The following NTN4 variants were observed in gnomAD, a reference collection of about 807,000 sequenced individuals.
The protein encoded by NTN4 is netrin-4.
In NTN4, 32 loss-of-function variants were observed where a neutral mutation model predicts 73.6. The observed-to-expected ratio is 0.44, with a 90% confidence interval of 0.33 to 0.58. The LOEUF (loss-of-function observed/expected upper bound fraction) is 0.58. NTN4 is among the 20% of genes least tolerant of loss of function. NTN4 has a pLI of 0.04. For missense variants in NTN4, 654 were observed against 798.3 expected, an observed-to-expected ratio of 0.82 and a Z score of 2.18; for synonymous variants, 258 against 287.5, an observed-to-expected ratio of 0.90 and a Z score of 1.04.
intron 5 of NTN4, among the ~76,000 whole-genome samples, chr12:95,709,898 T>C (rs2078551443): frequency 6.6e-6 from 1 of 152,230 alleles, no homozygotes; most frequent in African/African-American, 2.4e-5. Context: ...AAGAGTTTAG[T>C]ATTTTGGGGG....
chr12:95,759,254 AT>A lies in NTN4; in HGVS notation c.586-21111del, dbSNP rs994384657. Among the ~76,000 whole-genome samples, 93 of 150,098 alleles carry A rather than the reference AT, an allele frequency of 6.2e-4. 1 individual carries two copies. The highest frequency in any genetic ancestry group is 1.1e-3 in the Non-Finnish European group (76 of 67,416). ...TTTATAACTTTCATCAAGTTTGGAA[AT>A]TTTTTTTTTCCTGTTACTCCTACAA... On this transcript the variant is annotated intron_variant, in intron 2 of 9. Transcript: ENST00000343702.
chr12:95,758,228 C>T (rs2078960856), intron 2 of NTN4, among the ~76,000 whole-genome samples: 1 of 152,180 alleles, frequency 6.6e-6, no homozygotes. Flanking sequence ...TGCTATACCT[C>T]CTCTCCAATA....
intron 7 of NTN4, among the ~76,000 whole-genome samples, chr12:95,679,208 G>T (rs971528906): frequency 6.6e-6 from 1 of 152,086 alleles, no homozygotes; most frequent in Non-Finnish European, 1.5e-5. Context: ...GCAAAGAACC[G>T]ATAGCTAAGA....
intron 2 of NTN4, among the ~76,000 whole-genome samples, chr12:95,770,986 G>GA (rs2079053277): frequency 1.4e-5 from 1 of 72,282 alleles, no homozygotes; most frequent in African/African-American, 5.9e-5. Flanking sequence ...TCCAGGAAAA[G>GA]AATTTGTTTT....
rs888979275 is a variant in NTN4, at chr12:95,789,145, T to C, written c.55+1110A>G. Reference sequence around the variant, plus strand: ...ATAAAGAATCCATGGGGCAAAATACTTGGAGTCACTCAAGGGACTATTCAA... The same window carrying C: ...ATAAAGAATCCATGGGGCAAAATACCTGGAGTCACTCAAGGGACTATTCAA... On this transcript the variant is annotated intron_variant, in intron 1 of 9. Transcript: ENST00000343702. This position sits in a 1 kb window ranked among gnomAD's most constrained non-coding sequence, Gnocchi z 4.0. Among the ~76,000 whole-genome samples, 1 of 152,190 alleles carries C rather than the reference T, an allele frequency of 6.6e-6. No individual in the cohort carries two copies. The highest frequency in any genetic ancestry group is 2.4e-5 in the African/African-American group (1 of 41,440).
chr12:95,699,022 A>T (rs1261786556), intron 5 of NTN4, among the ~76,000 whole-genome samples: 2 of 111,086 alleles, frequency 1.8e-5, no homozygotes, highest in Non-Finnish European at 4.2e-5. Context: ...TACTTCTTGG[A>T]TTAAAAAAAA....
chr12:95,745,427 C>G lies in NTN4; in HGVS notation c.586-7283G>C, dbSNP rs139896493. 3.0e-4 allele frequency among the ~76,000 whole-genome samples: 46 copies of G among 152,192 alleles called. No homozygotes were observed. In the East Asian group the frequency reaches 8.7e-3, roughly 29 times the overall value. On this transcript the variant is annotated intron_variant, in intron 2 of 9. Coordinates refer to ENST00000343702, the MANE Select transcript of NTN4 (RefSeq NM_021229.4). Reference sequence around the variant, plus strand: ...TCACTAATCTTTTCTTCTACAATGTCTAGTCTACTAATCCTGTTTGGTATG... The same window carrying G: ...TCACTAATCTTTTCTTCTACAATGTGTAGTCTACTAATCCTGTTTGGTATG...
chr12:95,767,081 C>A (rs1185504011), intron 2 of NTN4, among the ~76,000 whole-genome samples: 15 of 152,204 alleles, frequency 9.9e-5, no homozygotes, highest in Non-Finnish European at 2.2e-4. Flanking sequence ...TGGATCTCCA[C>A]TACCCACAGG....
intron 2 of NTN4, among the ~76,000 whole-genome samples, chr12:95,772,107 T>C (rs1479615243): frequency 6.6e-6 from 1 of 152,136 alleles, no homozygotes; most frequent in Non-Finnish European, 1.5e-5. Context: ...GGTGCGATCA[T>C]GGTTCACTGC....
At chr12:95,667,208 G>A (rs933486279) in intron 8 of NTN4, among the ~76,000 whole-genome samples, 1 of 123,424 alleles carries the variant, frequency 8.1e-6, no homozygotes, top group Admixed American at 8.3e-5. Flanking sequence ...TTTTTTTTTT[G>A]AGATGGAGTC....
intron 2 of NTN4, among the ~76,000 whole-genome samples, chr12:95,757,826 G>C (rs2078958127): frequency 1.3e-5 from 2 of 151,954 alleles, no homozygotes; most frequent in Admixed American, 1.3e-4. Flanking sequence ...TAGAAAAAAG[G>C]AGATTACAAA....
intron 9 of NTN4, among the ~76,000 whole-genome samples, chr12:95,665,147 A>G (rs1029619177): frequency 1.3e-5 from 2 of 152,192 alleles, no homozygotes; most frequent in Non-Finnish European, 2.9e-5. Flanking sequence ...CTTATAACCC[A>G]GGATAACCAT....
At chr12:95,728,528 T>C (rs1413303714) in intron 3 of NTN4, among the ~76,000 whole-genome samples, 2 of 152,222 alleles carry the variant, frequency 1.3e-5, no homozygotes, top group African/African-American at 4.8e-5. Context: ...TGAATTAAGT[T>C]ATAAGTTTGA....
At chr12:95,661,916 A>G (rs559350573) in intron 9 of NTN4, among the ~76,000 whole-genome samples, 1 of 152,230 alleles carries the variant, frequency 6.6e-6, no homozygotes, top group African/African-American at 2.4e-5. Context: ...GCAAGGACAC[A>G]TCAGCTGTAG....
chr12:95,741,427 TTATA>T (rs1174318245), intron 2 of NTN4, among the ~76,000 whole-genome samples: 3,959 of 50,532 alleles, frequency 0.078, 128 homozygotes, highest in East Asian at 0.11. Context: ...TATGTATAAA[TTATA>T]TATATATATA....
chr12:95,670,581 T>C (rs1272943264), intron 7 of NTN4: 1 of 153,120 alleles, frequency 6.5e-6, no homozygotes, highest in Non-Finnish European at 1.5e-5. Flanking sequence ...TTGTTATCCA[T>C]TTAAAAAGTA....
intron 4 of NTN4, 39 bp downstream of exon 4, chr12:95,713,173 A>C: frequency 3.1e-6 from 5 of 1,595,098 alleles, no homozygotes; most frequent in Non-Finnish European, 4.3e-6. Flanking sequence ...CGTTGACTTT[A>C]CAAAGAAAGC....
At chr12:95,748,547 G>A (rs552716420) in intron 2 of NTN4, among the ~76,000 whole-genome samples, 6 of 145,976 alleles carry the variant, frequency 4.1e-5, no homozygotes, top group Admixed American at 1.4e-4. Flanking sequence ...GCATGATCTC[G>A]GCTCACTGCA....
intron 3 of NTN4, among the ~76,000 whole-genome samples, chr12:95,714,397 TC>T (rs2078590446): frequency 6.6e-6 from 1 of 152,142 alleles, no homozygotes; most frequent in South Asian, 2.1e-4. Flanking sequence ...TTATATTTTT[TC>T]CTTGAGAAAC....
Sources: gnomAD v4.1 joint callset for allele counts (sites outside exome capture counted in the v4.1 genomes callset) on GRCh38, gnomAD v4.1.1 for gene constraint, Gnocchi (gnomAD v3.1) non-coding constraint, MANE v1.5 for transcripts, NCBI Gene and HGNC (gene_info 2026-07-23, HGNC 2026-07-21) for gene names.